The following PRDM5 variants were observed in gnomAD, a reference collection of about 807,000 sequenced individuals.
The protein encoded by PRDM5 is PR domain zinc finger protein 5.
In PRDM5, 56 loss-of-function variants were observed where a neutral mutation model predicts 81.2. The observed-to-expected ratio is 0.69, with a 90% CI of 0.56 to 0.86. The LOEUF (loss-of-function observed/expected upper bound fraction) is 0.86. PRDM5 is among the 40% of genes least tolerant of loss of function. The pLI is 0.00. For missense variants in PRDM5, 697 were observed against 770.1 expected, an observed-to-expected ratio of 0.91 and a Z score of 1.12; for synonymous variants, 267 against 256.4, an observed-to-expected ratio of 1.04 and a Z score of -0.39.
At position 120,872,099 on chromosome 4, in the gene PRDM5, TGAG is replaced by T. The variant is rs550389583; in HGVS notation, c.178-18562_178-18560del. Among the ~76,000 whole-genome samples, 454 of 132,284 alleles carry T rather than the reference TGAG, an allele frequency of 3.4e-3. 2 individuals are homozygous for T. The highest frequency in any genetic ancestry group is 0.032 in the Middle Eastern group (6 of 190). 86.8% of individuals were successfully genotyped at this position (132,284 alleles called of 152,430 possible). A position where few individuals can be genotyped will look rare whatever the true frequency, so the allele number is the denominator to read the frequency against. ...CCGGGAGGCGGAGGTTGCAGTGAGCTGAGATCACGCCACTGCATTCCAGCCTGG... is the reference window on the plus strand; with the variant it reads ...CCGGGAGGCGGAGGTTGCAGTGAGCTATCACGCCACTGCATTCCAGCCTGG... On this transcript the variant is annotated intron_variant, in intron 2 of 15. Coordinates refer to ENST00000264808, the MANE Select transcript of PRDM5 (RefSeq NM_018699.4).
intron 14 of PRDM5, among the ~76,000 whole-genome samples, chr4:120,712,014 G>T (rs916714072): frequency 2.0e-5 from 3 of 152,132 alleles, no homozygotes; most frequent in Non-Finnish European, 4.4e-5. Flanking sequence ...GGCTGGGCAT[G>T]GTGGCTCATG....
chr4:120,733,886 C>A (rs843564), intron 14 of PRDM5, among the ~76,000 whole-genome samples: 11 of 147,246 alleles, frequency 7.5e-5, no homozygotes, highest in East Asian at 2.0e-4. Flanking sequence ...AACAATGACA[C>A]AAAAGTAAAA....
chr4:120,828,807 T>C (rs1324913761), intron 3 of PRDM5, among the ~76,000 whole-genome samples: 1 of 152,058 alleles, frequency 6.6e-6, no homozygotes. Context: ...TTATATGTGG[T>C]ATATGACAGG....
At chr4:120,819,224 T>C (rs1754945151) in intron 4 of PRDM5, among the ~76,000 whole-genome samples, 2 of 152,230 alleles carry the variant, frequency 1.3e-5, no homozygotes, top group South Asian at 4.1e-4. Context: ...GAGGTAAATT[T>C]GGGATCATAC....
intron 2 of PRDM5, among the ~76,000 whole-genome samples, chr4:120,863,173 A>AT (rs1398949174): frequency 3.7e-3 from 230 of 61,920 alleles, no homozygotes; most frequent in Non-Finnish European, 5.3e-3. Flanking sequence ...AAAAAAAAAA[A>AT]AAATATATAT....
chr4:120,734,026 C>T (rs1414665913), intron 14 of PRDM5, among the ~76,000 whole-genome samples: 1 of 152,008 alleles, frequency 6.6e-6, no homozygotes, highest in African/African-American at 2.4e-5. Flanking sequence ...TATTTGTAGC[C>T]TCAAAAAGTA....
chr4:120,792,819 T>C (rs543901605), intron 10 of PRDM5, among the ~76,000 whole-genome samples: 7 of 152,056 alleles, frequency 4.6e-5, no homozygotes, highest in African/African-American at 1.7e-4. Flanking sequence ...GAAAGACAAA[T>C]ACTGCATGAT....
chr4:120,818,197 A>G, intron 5 of PRDM5, 156 bp downstream of exon 5: 1 of 703,068 alleles, frequency 1.4e-6, no homozygotes, highest in Non-Finnish European at 2.4e-6. Context: ...AGTTAATGAC[A>G]ATACCAATGT....
intron 7 of PRDM5, among the ~76,000 whole-genome samples, chr4:120,814,628 A>G (rs943279565): frequency 5.9e-5 from 9 of 152,234 alleles, no homozygotes; most frequent in African/African-American, 2.2e-4. Context: ...GCCATCAAAG[A>G]TCTCTTTCTT....
intron 14 of PRDM5, among the ~76,000 whole-genome samples, chr4:120,738,881 T>A (rs546653115): frequency 1.3e-5 from 2 of 152,374 alleles, no homozygotes; most frequent in African/African-American, 2.4e-5. Context: ...TTGTTTATGG[T>A]TTAATATTTG....
intron 2 of PRDM5, among the ~76,000 whole-genome samples, chr4:120,901,200 G>A (rs1198185895): frequency 6.6e-6 from 1 of 152,286 alleles, no homozygotes; most frequent in Non-Finnish European, 1.5e-5. Context: ...AGTATAGACT[G>A]TACCCAATAT....
intron 13 of PRDM5, among the ~76,000 whole-genome samples, chr4:120,767,675 T>C (rs188943504): frequency 4.5e-4 from 68 of 152,350 alleles, no homozygotes; most frequent in Admixed American, 4.4e-3. Flanking sequence ...CTCTGTATGT[T>C]ACTGCCCACT....
chr4:120,895,346 A>G (rs343168), intron 2 of PRDM5: 26,824 of 152,134 alleles, frequency 0.18, 3,026 homozygotes, highest in African/African-American at 0.31. Context: ...GTAAGTGAAG[A>G]ACCAGATCAG....
intron 8 of PRDM5, among the ~76,000 whole-genome samples, chr4:120,803,753 C>A (rs1408126403): frequency 6.6e-6 from 1 of 152,160 alleles, no homozygotes; most frequent in Non-Finnish European, 1.5e-5. Context: ...AAAAACATGC[C>A]AAATTGTAAA....
At chr4:120,708,848 A>G (rs1736561299) in intron 15 of PRDM5, among the ~76,000 whole-genome samples, 1 of 152,100 alleles carries the variant, frequency 6.6e-6, no homozygotes, top group Non-Finnish European at 1.5e-5. Flanking sequence ...TCTATCCACA[A>G]TGAGTAGGTT....
chr4:120,807,178 A>G (rs1753104197), intron 8 of PRDM5, among the ~76,000 whole-genome samples: 1 of 152,364 alleles, frequency 6.6e-6, no homozygotes, highest in African/African-American at 2.4e-5. Flanking sequence ...TAGAATGGCA[A>G]TCACTAAAAA....
At chr4:120,729,974 T>C (rs1185295424) in intron 14 of PRDM5, among the ~76,000 whole-genome samples, 2 of 152,214 alleles carry the variant, frequency 1.3e-5, no homozygotes. Context: ...CAAGTTGTTA[T>C]TGAACTCAAT....
At chr4:120,752,890 AT>A in intron 14 of PRDM5, among the ~76,000 whole-genome samples, 1 of 152,304 alleles carries the variant, frequency 6.6e-6, no homozygotes, top group East Asian at 1.9e-4. Context: ...GTAATTAGTG[AT>A]TTTTGTGTTT....
At chr4:120,742,163 G>A (rs529980968) in intron 14 of PRDM5, among the ~76,000 whole-genome samples, 3 of 152,134 alleles carry the variant, frequency 2.0e-5, no homozygotes, top group Non-Finnish European at 4.4e-5. Context: ...CCTCCAGCAG[G>A]GGCACACTAA....
Sources: gnomAD v4.1 joint callset for allele counts (sites outside exome capture counted in the v4.1 genomes callset) on GRCh38, gnomAD v4.1.1 for gene constraint, MANE v1.5 for transcripts, NCBI Gene and HGNC (gene_info 2026-07-23, HGNC 2026-07-21) for gene names.